CPQ: variants seen among roughly 807,000 people sequenced by gnomAD.
The protein encoded by CPQ is carboxypeptidase Q.
A neutral mutation model predicts 45.7 loss-of-function variants in CPQ; 37 were observed. That is an observed-to-expected ratio of 0.81 (90% CI 0.62 to 1.07). The LOEUF (loss-of-function observed/expected upper bound fraction) is 1.07. Among genes scored for constraint, CPQ ranks in the 50% least tolerant of loss-of-function variants. The pLI is 0.00. For missense variants in CPQ, 537 were observed against 572.9 expected, an observed-to-expected ratio of 0.94 and a Z score of 0.64; for synonymous variants, 186 against 205.8, an observed-to-expected ratio of 0.90 and a Z score of 0.82.
chr8:96,929,439 G>C lies in CPQ; in HGVS notation c.850-36496G>C, dbSNP rs187552480. The stretch of plus-strand genomic sequence containing the variant: ...GACTTGCTTTATCAGATTAAACAAA[G>C]ATGCTCATCTTTCTAGGCTTTCTAA... On this transcript the variant is annotated intron_variant, in intron 4 of 7. Transcript: ENST00000220763. Among the ~76,000 whole-genome samples the C allele has an allele frequency of 1.4e-4, 22 of 152,270 alleles. No homozygotes were observed. In the East Asian group the frequency reaches 3.9e-3, roughly 27 times the overall value.
chr8:96,645,605 C>T (rs1203450883), intron 1 of CPQ, among the ~76,000 whole-genome samples: 2 of 151,982 alleles, frequency 1.3e-5, no homozygotes, highest in African/African-American at 2.4e-5. Context: ...GCTGCCCCTT[C>T]GGTGACAGTG....
At chr8:96,658,536 C>T (rs924553510) in intron 1 of CPQ, among the ~76,000 whole-genome samples, 2 of 152,212 alleles carry the variant, frequency 1.3e-5, no homozygotes, top group African/African-American at 4.8e-5. Flanking sequence ...TGAAACTGTG[C>T]ATGTTAGATT....
At chr8:96,650,379 G>GA in intron 1 of CPQ, among the ~76,000 whole-genome samples, 1 of 152,308 alleles carries the variant, frequency 6.6e-6, no homozygotes, top group African/African-American at 2.4e-5. Flanking sequence ...GACTTCCTTG[G>GA]AAAAAAGATT....
At chr8:96,755,802 A>T (rs1425326407) in intron 1 of CPQ, among the ~76,000 whole-genome samples, 1 of 152,014 alleles carries the variant, frequency 6.6e-6, no homozygotes. Context: ...TATTTTGCAT[A>T]AATTATGATT....
chr8:96,682,641 T>C (rs1809167031), intron 1 of CPQ, among the ~76,000 whole-genome samples: 1 of 152,228 alleles, frequency 6.6e-6, no homozygotes, highest in Non-Finnish European at 1.5e-5. Context: ...GGTGCTTGTA[T>C]GTTTGGAATT....
chr8:96,758,501 T>A (rs993898423), intron 1 of CPQ, among the ~76,000 whole-genome samples: 5 of 152,190 alleles, frequency 3.3e-5, no homozygotes, highest in Non-Finnish European at 7.3e-5. Flanking sequence ...GTAATTCTGA[T>A]CTTTGGCTTT....
At chr8:96,760,366 A>G (rs1398169054) in intron 1 of CPQ, among the ~76,000 whole-genome samples, 3 of 152,216 alleles carry the variant, frequency 2.0e-5, no homozygotes, top group Non-Finnish European at 4.4e-5. Flanking sequence ...GAGGAAACAC[A>G]GGTTCAGAGA....
intron 4 of CPQ, among the ~76,000 whole-genome samples, chr8:96,955,089 T>G (rs1460168504): frequency 6.6e-6 from 1 of 152,156 alleles, no homozygotes; most frequent in Non-Finnish European, 1.5e-5. Context: ...GCAGCATGAT[T>G]TATAATCTTT....
intron 6 of CPQ, among the ~76,000 whole-genome samples, chr8:97,030,842 C>G (rs950739706): frequency 6.6e-6 from 1 of 152,106 alleles, no homozygotes; most frequent in Non-Finnish European, 1.5e-5. Context: ...GACCTGAAGA[C>G]TGAGTGGAAG....
chr8:96,653,213 C>T (rs942070465), intron 1 of CPQ, among the ~76,000 whole-genome samples: 2 of 152,070 alleles, frequency 1.3e-5, no homozygotes, highest in Non-Finnish European at 1.5e-5. Context: ...CAGGAGTGAG[C>T]CACAGTGCCT....
intron 3 of CPQ, among the ~76,000 whole-genome samples, chr8:96,854,035 T>C (rs1468169825): frequency 6.6e-6 from 1 of 152,208 alleles, no homozygotes; most frequent in Non-Finnish European, 1.5e-5. Context: ...TAGCACATTA[T>C]TTTTAACATG....
intron 4 of CPQ, among the ~76,000 whole-genome samples, chr8:96,904,485 C>T (rs1287510093): frequency 1.3e-5 from 2 of 152,178 alleles, no homozygotes; most frequent in Non-Finnish European, 2.9e-5. Context: ...CTGATTGCAG[C>T]TCTGACTTAT....
At chr8:97,125,019 A>G (rs1811823123) in intron 7 of CPQ, among the ~76,000 whole-genome samples, 1 of 152,200 alleles carries the variant, frequency 6.6e-6, no homozygotes, top group Admixed American at 6.5e-5. Flanking sequence ...AAGCTGGTCA[A>G]GAAAAAAGAG....
chr8:97,142,934 G>A (rs1023227890), intron 7 of CPQ, 86 bp from the exon 8 acceptor site: 8 of 1,317,024 alleles, frequency 6.1e-6, no homozygotes, highest in Non-Finnish European at 8.5e-6. Context: ...TATAATAGGA[G>A]CAGGCAAAAG....
At chr8:97,138,019 T>A (rs1812094089) in intron 7 of CPQ, among the ~76,000 whole-genome samples, 2 of 152,228 alleles carry the variant, frequency 1.3e-5, no homozygotes, top group Non-Finnish European at 2.9e-5. Context: ...TCCAGCTGTT[T>A]ACTCACCTTC....
intron 3 of CPQ, among the ~76,000 whole-genome samples, chr8:96,879,301 G>T (rs1343552913): frequency 6.6e-6 from 1 of 152,186 alleles, no homozygotes; most frequent in Non-Finnish European, 1.5e-5. Flanking sequence ...CCTGCGTGGT[G>T]TTCTACCACC....
intron 7 of CPQ, among the ~76,000 whole-genome samples, chr8:97,120,427 C>T (rs1403483953): frequency 6.6e-6 from 1 of 151,280 alleles, no homozygotes; most frequent in Non-Finnish European, 1.5e-5. Flanking sequence ...TCCCTCTATA[C>T]ACAACTCCAG....
chr8:96,924,543 A>G (rs965836910), intron 4 of CPQ, among the ~76,000 whole-genome samples: 2 of 152,188 alleles, frequency 1.3e-5, no homozygotes, highest in African/African-American at 4.8e-5. Flanking sequence ...TTTTTTTACC[A>G]AGAATGATTA....
At chr8:96,837,661 A>G (rs1811548618) in intron 3 of CPQ, among the ~76,000 whole-genome samples, 1 of 152,006 alleles carries the variant, frequency 6.6e-6, no homozygotes, top group Non-Finnish European at 1.5e-5. Flanking sequence ...CATTGTGGCC[A>G]TTTCCAAACC....
Sources: allele counts gnomAD v4.1 joint callset (sites outside exome capture counted in the v4.1 genomes callset), GRCh38; gene constraint gnomAD v4.1.1; transcripts MANE v1.5; gene names NCBI Gene and HGNC (gene_info 2026-07-23, HGNC 2026-07-21).